The following RGS6 variants were observed in gnomAD, a reference collection of about 807,000 sequenced individuals.
The protein encoded by RGS6 is regulator of G-protein signaling 6.
A neutral mutation model predicts 78.5 loss-of-function variants in RGS6; 30 were observed. The ratio of observed to expected loss-of-function variants is 0.38; its 90% CI spans 0.29 to 0.52. RGS6 has a LOEUF of 0.52. RGS6 is among the 20% of genes least tolerant of loss of function. The pLI is 0.85. For synonymous variants in RGS6, 206 were observed against 206.0 expected (o/e 1.00, Z 0.00); for missense variants, 495 against 609.7 (o/e 0.81, Z 1.98).
chr14:72,398,072 A>G (rs1372775763), intron 3 of RGS6, among the ~76,000 whole-genome samples: 3 of 152,160 alleles, frequency 2.0e-5, no homozygotes, highest in Non-Finnish European at 4.4e-5. Flanking sequence ...TCATAAAATG[A>G]GTTAGGGAGG....
chr14:72,024,018 G>A (rs1243260935), intron 2 of RGS6, among the ~76,000 whole-genome samples: 1 of 151,658 alleles, frequency 6.6e-6, no homozygotes, highest in Admixed American at 6.6e-5. Context: ...ATTGGGATTT[G>A]CTACTCAATT....
Position 72,469,879 on chromosome 14 carries a change from A to G in RGS6, c.460-128A>G, listed in dbSNP as rs978774246. On this transcript the variant is annotated intron_variant, in intron 7 of 17. Transcript: ENST00000553525. Reference sequence around the variant, plus strand: ...GTCAAATGGGATACATGTCCAGGGGATTTAAAGCAGGTCTTGCTATTTTGT... The same window carrying G: ...GTCAAATGGGATACATGTCCAGGGGGTTTAAAGCAGGTCTTGCTATTTTGT... The G allele has an allele frequency of 1.0e-5, 7 of 672,658 alleles. No individual in the cohort carries two copies. In the African/African-American group the frequency reaches 1.1e-4, roughly 10 times the overall value. 41.7% of individuals were successfully genotyped at this position (672,658 alleles called of 1,614,324 possible).
At chr14:72,053,028 TCCCC>T (rs1339764056) in intron 2 of RGS6, among the ~76,000 whole-genome samples, 8 of 11,116 alleles carry the variant, frequency 7.2e-4, no homozygotes, top group Non-Finnish European at 1.2e-3. Flanking sequence ...TTTCTTTCTT[TCCCC>T]CTCCCTCCCT....
intron 2 of RGS6, among the ~76,000 whole-genome samples, chr14:72,091,190 A>C: frequency 6.6e-6 from 1 of 150,676 alleles, no homozygotes. Flanking sequence ...GCCTTCTCCC[A>C]CTCCCCGCTG....
At chr14:72,253,134 G>C (rs938299782) in intron 2 of RGS6, among the ~76,000 whole-genome samples, 1 of 152,232 alleles carries the variant, frequency 6.6e-6, no homozygotes, top group African/African-American at 2.4e-5. Context: ...AATAAAATGT[G>C]AGCAGATGTG....
intron 2 of RGS6, among the ~76,000 whole-genome samples, chr14:72,263,824 G>T (rs1426684528): frequency 2.6e-5 from 4 of 152,160 alleles, no homozygotes; most frequent in Non-Finnish European, 5.9e-5. Flanking sequence ...CCACCCAGTT[G>T]GTGGTATTTT....
At chr14:72,579,243 A>G in the RGS6 span, among the ~76,000 whole-genome samples, 2 of 152,140 alleles carry the variant, frequency 1.3e-5, no homozygotes, top group South Asian at 2.1e-4. Flanking sequence ...GTCTTCCATG[A>G]CCACCACCTG....
At chr14:72,562,236 C>T (rs186816157) in intron 17 of RGS6, among the ~76,000 whole-genome samples, 181 bp from the exon 18 acceptor site, 85 of 152,298 alleles carry the variant, frequency 5.6e-4, no homozygotes, top group Middle Eastern at 3.4e-3. Context: ...CCTGGTTTCT[C>T]CAGCTGTCCA....
At chr14:72,406,027 G>A (rs954378291) in intron 3 of RGS6, among the ~76,000 whole-genome samples, 16 of 152,188 alleles carry the variant, frequency 1.1e-4, no homozygotes, top group African/African-American at 3.4e-4. Flanking sequence ...ATGGGAGAGG[G>A]TGAAGGAAGG....
intron 2 of RGS6, among the ~76,000 whole-genome samples, chr14:72,305,944 G>A (rs1159558978): frequency 1.3e-5 from 2 of 152,176 alleles, no homozygotes; most frequent in African/African-American, 4.8e-5. Context: ...AAAATTGAAA[G>A]TGCTACTCCA....
At chr14:72,455,332 C>T (rs2095603855) in intron 4 of RGS6, among the ~76,000 whole-genome samples, 2 of 152,222 alleles carry the variant, frequency 1.3e-5, no homozygotes, top group Non-Finnish European at 2.9e-5. Flanking sequence ...TCTTAATGGA[C>T]ATTGGCGTGA....
chr14:72,194,707 C>A (rs2039595532), intron 2 of RGS6, among the ~76,000 whole-genome samples: 1 of 150,734 alleles, frequency 6.6e-6, no homozygotes, highest in African/African-American at 2.4e-5. Flanking sequence ...GGTAAAAAAA[C>A]AATAAGTGAA....
At chr14:72,253,916 C>T (rs1327506664) in intron 2 of RGS6, among the ~76,000 whole-genome samples, 3 of 152,180 alleles carry the variant, frequency 2.0e-5, no homozygotes, top group East Asian at 1.9e-4. Context: ...TCTGGCATTA[C>T]GTTTCGGGGC....
chr14:72,393,388 A>T (rs2090453792), intron 3 of RGS6, among the ~76,000 whole-genome samples: 1 of 152,146 alleles, frequency 6.6e-6, no homozygotes, highest in Non-Finnish European at 1.5e-5. Flanking sequence ...CTGCCCAGAG[A>T]TTTTTAGGGT....
At chr14:72,539,555 C>A (rs996372503) in intron 16 of RGS6, among the ~76,000 whole-genome samples, 5 of 152,194 alleles carry the variant, frequency 3.3e-5, no homozygotes, top group Non-Finnish European at 5.9e-5. Flanking sequence ...TTCGCTTCCC[C>A]GGCAGCCCCT....
rs867862983 is a variant in RGS6 at position 72,044,882 on chromosome 14, A to G, written c.84+80007A>G. On this transcript the variant is annotated intron_variant, in intron 2 of 17. Coordinates refer to ENST00000553525, the MANE Select transcript of RGS6 (RefSeq NM_001204424.2). ...AGTAAGACTCCGTCTCAAAAAACAA[A>G]AAAAACCAAACTAACAAAAAAACCC... 2.3e-3 allele frequency among the ~76,000 whole-genome samples: 346 copies of G among 152,226 alleles called. 4 individuals are homozygous for G. The highest frequency in any genetic ancestry group is 8.0e-3 in the African/African-American group (334 of 41,540).
chr14:72,482,576 G>C (rs982100398), intron 12 of RGS6, among the ~76,000 whole-genome samples: 2 of 152,202 alleles, frequency 1.3e-5, no homozygotes, highest in Middle Eastern at 3.2e-3. Context: ...CAGCTCTGCT[G>C]ATCTTGGCTG....
intron 2 of RGS6, among the ~76,000 whole-genome samples, chr14:72,066,771 T>G (rs2094169002): frequency 6.6e-6 from 1 of 152,084 alleles, no homozygotes; most frequent in African/African-American, 2.4e-5. Context: ...TAATTATATA[T>G]TTTTTCTTCT....
intron 2 of RGS6, among the ~76,000 whole-genome samples, chr14:72,197,786 A>G (rs1385831222): frequency 6.6e-6 from 1 of 152,018 alleles, no homozygotes; most frequent in Non-Finnish European, 1.5e-5. Context: ...GGTCACGCCC[A>G]CCAGAATCCT....
Sources: gnomAD v4.1 joint callset for allele counts (sites outside exome capture counted in the v4.1 genomes callset) on GRCh38, gnomAD v4.1.1 for gene constraint, MANE v1.5 for transcripts, NCBI Gene and HGNC (gene_info 2026-07-23, HGNC 2026-07-21) for gene names.